Variants in EFCAB6 observed in about 807,000 individuals in gnomAD.
The protein encoded by EFCAB6 is EF-hand calcium-binding domain-containing protein 6.
In EFCAB6, 156 loss-of-function variants were observed where a neutral mutation model predicts 169.8. The ratio of observed to expected loss-of-function variants is 0.92; its 90% CI spans 0.81 to 1.05. EFCAB6 has a LOEUF of 1.05. EFCAB6 is among the 50% of genes least tolerant of loss of function. The probability of loss-of-function intolerance (pLI) is 0.00; values close to 1 mark genes in which losing one functional copy is unlikely to be tolerated. For missense variants in EFCAB6, 1,800 were observed against 1,829.1 expected, an observed-to-expected ratio of 0.98 and a Z score of 0.29; for synonymous variants, 698 against 676.4, an observed-to-expected ratio of 1.03 and a Z score of -0.50.
chr22:43,723,422 C>T (rs1020882204), intron 8 of EFCAB6, among the ~76,000 whole-genome samples: 3 of 152,026 alleles, frequency 2.0e-5, no homozygotes, highest in Admixed American at 2.0e-4. Context: ...GCACATGTAC[C>T]CCTGTATCTA....
rs568096824 is a variant in EFCAB6, at chr22:43,530,946, T to A, written c.4252A>T (p.Thr1418Ser). The change falls in exon 31 of 32, where the codon ACG becomes TCG. Residue 1418 changes from threonine to serine, a missense_variant. Transcript: ENST00000262726. ...AHKMKEAGAETPSFYSALLRI... is the reference protein window; with the variant it reads ...AHKMKEAGAESPSFYSALLRI... ...AGCAGAGCAGAGTAAAAAGATGGCG[T>A]CTCCGCGCCGGCTTCTTTCTAGACA... 2.3e-5 allele frequency: 37 copies of A among 1,614,106 alleles called. No individual in the cohort carries two copies. In the East Asian group the frequency reaches 7.6e-4, roughly 33 times the overall value.
At chr22:43,531,079 C>T (rs1022526145) in intron 30 of EFCAB6, 115 bp from the exon 31 acceptor site, 3 of 1,379,784 alleles carry the variant, frequency 2.2e-6, no homozygotes, top group Non-Finnish European at 3.0e-6. Context: ...CACCTCCCAA[C>T]CTGCTCCGCT....
chr22:43,529,458 C>A (rs901537354), intron 31 of EFCAB6, among the ~76,000 whole-genome samples: 1 of 152,232 alleles, frequency 6.6e-6, no homozygotes, highest in Non-Finnish European at 1.5e-5. Flanking sequence ...ACTGCCCCTT[C>A]CTCTTCAGTT....
chr22:43,765,550 C>T (rs1365746803), intron 4 of EFCAB6, among the ~76,000 whole-genome samples, 157 bp from the exon 5 acceptor site: 2 of 151,932 alleles, frequency 1.3e-5, no homozygotes, highest in Admixed American at 1.3e-4. Context: ...ACTGCTTAAC[C>T]CAGGTGTCAC....
At chr22:43,542,896 AAAGC>A (rs971443456) in intron 27 of EFCAB6, among the ~76,000 whole-genome samples, 3 of 152,218 alleles carry the variant, frequency 2.0e-5, no homozygotes, top group Non-Finnish European at 2.9e-5. Flanking sequence ...GAAAGCGTCA[AAAGC>A]AAGTGAGTTT....
Position 43,741,098 on chromosome 22 carries a change from G to A in EFCAB6, c.508-5105C>T, listed in dbSNP as rs1281755837. On this transcript the variant is annotated intron_variant, in intron 6 of 31. Coordinates refer to ENST00000262726, the MANE Select transcript of EFCAB6 (RefSeq NM_022785.4). ...ACAAAGTTAGGGCCGTGGTGTCCAA[G>A]ACTTGTCCCACACAGGGGAGGAGAG... Among the ~76,000 whole-genome samples, 3 of 152,316 alleles carry A rather than the reference G, an allele frequency of 2.0e-5. No individual in the cohort carries two copies. The East Asian group carries it at 5.8e-4, about 29-fold the overall frequency.
intron 15 of EFCAB6, among the ~76,000 whole-genome samples, chr22:43,670,893 A>AG (rs1569353565): frequency 8.5e-5 from 13 of 152,052 alleles, no homozygotes; most frequent in African/African-American, 2.9e-4. Context: ...AGCGGCAGCA[A>AG]CAAACACTGG....
chr22:43,770,550 T>C (rs114260170), intron 4 of EFCAB6, among the ~76,000 whole-genome samples: 6,206 of 152,174 alleles, frequency 0.041, 446 homozygotes, highest in African/African-American at 0.14. Flanking sequence ...AAAGAGATCA[T>C]AAAGAGGAAT....
At chr22:43,685,745 C>G (rs2058170339) in intron 11 of EFCAB6, among the ~76,000 whole-genome samples, 1 of 152,098 alleles carries the variant, frequency 6.6e-6, no homozygotes, top group South Asian at 2.1e-4. Flanking sequence ...CGATTACCCA[C>G]CATAGGGATA....
intron 22 of EFCAB6, among the ~76,000 whole-genome samples, chr22:43,606,586 G>A (rs1012983325): frequency 1.3e-5 from 2 of 152,218 alleles, no homozygotes; most frequent in African/African-American, 4.8e-5. Context: ...GCACAGAGAA[G>A]CTAAGTAACT....
At chr22:43,784,990 G>A (rs2062024895) in intron 2 of EFCAB6, among the ~76,000 whole-genome samples, 1 of 151,880 alleles carries the variant, frequency 6.6e-6, no homozygotes, top group African/African-American at 2.4e-5. Context: ...GCAAGTGAAG[G>A]AAAAATAAAC....
intron 27 of EFCAB6, chr22:43,554,053 C>T (rs2048545680): frequency 6.5e-6 from 1 of 152,768 alleles, no homozygotes; most frequent in African/African-American, 2.4e-5. Flanking sequence ...GGGAGGAGCG[C>T]CAGCCTCCTG....
At position 43,613,795 on chromosome 22, in the gene EFCAB6, A is replaced by G. The variant is rs190940473; in HGVS notation, c.2562+2031T>C. On this transcript the variant is annotated intron_variant, in intron 21 of 31. Coordinates refer to ENST00000262726, the MANE Select transcript of EFCAB6 (RefSeq NM_022785.4). ...TAAAGAAAACTACAATACCATTTAC[A>G]TTAGCACCCCCCAAAATGAAATATT... is the stretch of plus-strand genomic sequence containing the variant. Among the ~76,000 whole-genome samples the G allele has an allele frequency of 1.7e-3, 254 of 152,282 alleles. 2 individuals are homozygous for G. The highest frequency in any genetic ancestry group is 5.9e-3 in the African/African-American group (246 of 41,562).
At chr22:43,691,331 G>A (rs1028689379) in intron 10 of EFCAB6, among the ~76,000 whole-genome samples, 3 of 152,026 alleles carry the variant, frequency 2.0e-5, no homozygotes, top group Non-Finnish European at 2.9e-5. Context: ...TTTTATAATG[G>A]AAACTATAGC....
intron 10 of EFCAB6, among the ~76,000 whole-genome samples, chr22:43,710,524 A>G (rs1399539482): frequency 2.0e-5 from 3 of 152,254 alleles, no homozygotes; most frequent in African/African-American, 7.2e-5. Context: ...AAAGTAGGAA[A>G]TGCAGGGAAA....
intron 13 of EFCAB6, among the ~76,000 whole-genome samples, chr22:43,673,176 G>A (rs935780577): frequency 5.3e-5 from 8 of 152,144 alleles, no homozygotes; most frequent in Non-Finnish European, 1.2e-4. Flanking sequence ...GAAGGCTGCC[G>A]CTGGGGAAGA....
At chr22:43,721,120 C>A (rs1428496966) in intron 8 of EFCAB6, among the ~76,000 whole-genome samples, 1 of 152,088 alleles carries the variant, frequency 6.6e-6, no homozygotes, top group African/African-American at 2.4e-5. Flanking sequence ...TACAATCCCA[C>A]GTGCAATAGC....
chr22:43,770,373 A>C (rs1220128543), intron 4 of EFCAB6, among the ~76,000 whole-genome samples: 1 of 152,196 alleles, frequency 6.6e-6, no homozygotes, highest in Non-Finnish European at 1.5e-5. Context: ...ACAGCCAGGG[A>C]AATAAGACCC....
At chr22:43,619,852 T>C (rs1451680022) in intron 20 of EFCAB6, among the ~76,000 whole-genome samples, 4 of 151,832 alleles carry the variant, frequency 2.6e-5, no homozygotes, top group African/African-American at 9.7e-5. Context: ...GAAAATGCCA[T>C]AAATTTGGCA....
Sources: gnomAD v4.1 joint callset for allele counts (sites outside exome capture counted in the v4.1 genomes callset) on GRCh38, gnomAD v4.1.1 for gene constraint, MANE v1.5 for transcripts, NCBI Gene and HGNC (gene_info 2026-07-23, HGNC 2026-07-21) for gene names.